The following RAD51 variants were observed in gnomAD, a reference collection of about 807,000 sequenced individuals.
The protein encoded by RAD51 is DNA repair protein RAD51 homolog 1.
A neutral mutation model predicts 41.5 loss-of-function variants in RAD51; 14 were observed. The ratio of observed to expected loss-of-function variants is 0.34; its 90% CI spans 0.22 to 0.53. The LOEUF is 0.53. Among genes scored for constraint, RAD51 ranks in the 20% least tolerant of loss-of-function variants. The probability of loss-of-function intolerance (pLI) is 0.95; values close to 1 mark genes in which losing one functional copy is unlikely to be tolerated. For missense variants in RAD51, 234 were observed against 422.0 expected (o/e 0.55, Z 3.90); for synonymous variants, 136 against 148.6 (o/e 0.92, Z 0.62).
intron 6 of RAD51, among the ~76,000 whole-genome samples, chr15:40,728,267 G>C (rs1033647660): frequency 4.6e-5 from 7 of 152,164 alleles, no homozygotes; most frequent in Admixed American, 2.0e-4. Context: ...GTCAAGACCA[G>C]CCTGATCAAT....
rs1896858703 is a variant in RAD51 at position 40,731,109 on chromosome 15, T to C, written c.951T>C (p.Ser317=). 1 of 1,614,072 alleles carries C rather than the reference T, an allele frequency of 6.2e-7. No individual in the cohort carries two copies. Among genetic ancestry groups the C allele is most frequent in the Non-Finnish European group, 8.5e-7 (1 of 1,179,966 alleles). The change falls in exon 10 of 10, where the codon TCT becomes TCC. Residue 317 remains serine (S), a synonymous_variant. Transcript: ENST00000267868. The part of the protein sequence containing the change: ...GETRICKIYD[S]PCLPEAEAMF... ...CCAGAATCTGCAAAATCTACGACTC[T>C]CCCTGTCTTCCTGAAGCTGAAGCTA...
At chr15:40,728,397 C>T (rs538419380) in intron 6 of RAD51, among the ~76,000 whole-genome samples, 7 of 151,672 alleles carry the variant, frequency 4.6e-5, no homozygotes, top group Admixed American at 4.6e-4. Flanking sequence ...GTGGAGGTTG[C>T]AATGAGATCA....
At chr15:40,710,685 C>T (rs969974214) in intron 5 of RAD51, among the ~76,000 whole-genome samples, 1 of 152,228 alleles carries the variant, frequency 6.6e-6, no homozygotes, top group African/African-American at 2.4e-5. Context: ...TTATGCTCCT[C>T]TTCAACTCTC....
intron 1 of RAD51, among the ~76,000 whole-genome samples, chr15:40,697,043 T>C (rs1305520930): frequency 6.6e-6 from 1 of 152,220 alleles, no homozygotes; most frequent in Non-Finnish European, 1.5e-5. Context: ...GTCACTCTCT[T>C]AGTGGTGTCC....
chr15:40,712,921 C>T lies in RAD51; in HGVS notation c.435+3805C>T, dbSNP rs549226493. Among the ~76,000 whole-genome samples the T allele has an allele frequency of 5.1e-5, 7 of 138,208 alleles. No individual in the cohort carries two copies. The East Asian group carries it at 1.5e-3, about 31-fold the overall frequency. 90.7% of individuals were successfully genotyped at this position (138,208 alleles called of 152,430 possible). ...TGAGAAAGAGTCTTGCTCTGTTGCC[C>T]AGGCTGTAGTGCAGTGGTGTGATCT... On this transcript the variant is annotated intron_variant, in intron 5 of 9. Coordinates refer to ENST00000267868, the MANE Select transcript of RAD51 (RefSeq NM_002875.5).
intron 2 of RAD51, among the ~76,000 whole-genome samples, chr15:40,699,785 A>T (rs1894869456): frequency 6.6e-6 from 1 of 152,208 alleles, no homozygotes; most frequent in Non-Finnish European, 1.5e-5. Context: ...ATTCTGCACA[A>T]GAACATTAAG....
intron 3 of RAD51, chr15:40,701,858 A>G (rs915100895): frequency 2.8e-6 from 1 of 356,816 alleles, no homozygotes; most frequent in South Asian, 1.9e-5. Flanking sequence ...ATCTTGGTCT[A>G]CTGCACCCTC....
chr15:40,721,569 C>T (rs180766112), intron 6 of RAD51, among the ~76,000 whole-genome samples: 39 of 152,180 alleles, frequency 2.6e-4, no homozygotes, highest in Non-Finnish European at 4.9e-4. Context: ...TCTCGAACTC[C>T]TGGCCTCAGG....
intron 9 of RAD51, among the ~76,000 whole-genome samples, chr15:40,730,511 A>ATTTTTTTTCTTTTTTTTTTT (rs1896815024): frequency 4.6e-5 from 4 of 86,088 alleles, no homozygotes; most frequent in Non-Finnish European, 1.0e-4. Context: ...TCTTGAAAAA[A>ATTTTTTTTCTTTTTTTTTTT]TTTTTTTTCT....
intron 7 of RAD51, 77 bp downstream of exon 7, chr15:40,728,901 T>C: frequency 8.2e-7 from 1 of 1,218,610 alleles, no homozygotes; most frequent in East Asian, 2.3e-5. Flanking sequence ...TTTGGCCAGA[T>C]TGATAGTAGT....
intron 6 of RAD51, among the ~76,000 whole-genome samples, chr15:40,720,992 G>T (rs986818689): frequency 6.6e-6 from 1 of 152,192 alleles, no homozygotes; most frequent in Non-Finnish European, 1.5e-5. Flanking sequence ...GACCAGTCTG[G>T]CCAGCATGGC....
chr15:40,729,108 C>G (rs529889864), intron 7 of RAD51, among the ~76,000 whole-genome samples: 26 of 152,224 alleles, frequency 1.7e-4, no homozygotes, highest in South Asian at 4.1e-4. Flanking sequence ...CGCGGTGGCT[C>G]AAGCCTGTAA....
At chr15:40,715,643 A>G (rs2141851080) in intron 5 of RAD51, among the ~76,000 whole-genome samples, 1 of 152,346 alleles carries the variant, frequency 6.6e-6, no homozygotes, top group South Asian at 2.1e-4. Flanking sequence ...AGAAAGGGCC[A>G]AATAAGCTGG....
At chr15:40,730,520 C>CTTTTTTTTTTTTTTCTTTTCT (rs1596028824) in intron 9 of RAD51, among the ~76,000 whole-genome samples, 5 of 113,108 alleles carry the variant, frequency 4.4e-5, no homozygotes, top group Admixed American at 9.2e-5. Flanking sequence ...AATTTTTTTT[C>CTTTTTTTTTTTTTTCTTTTCT]TTTTTTTTTT....
chr15:40,702,890 C>G (rs1302961091), intron 3 of RAD51, among the ~76,000 whole-genome samples: 1 of 151,028 alleles, frequency 6.6e-6, no homozygotes. Flanking sequence ...GTGGCATGAT[C>G]AAAGCTCACT....
rs745556948 is a variant in RAD51 at position 40,729,491 on chromosome 15, C to T, written c.645-14C>T. 6.2e-7 allele frequency: 1 copy of T among 1,610,728 alleles called. No homozygotes were observed. The highest frequency in any genetic ancestry group is 8.5e-7 in the Non-Finnish European group (1 of 1,178,076). Reference sequence around the variant, plus strand: ...GGCTAGAAATAGGCTTCAGAGAATCCTTGTTTCCTGTAGGTATGCACTGCT... The same window carrying T: ...GGCTAGAAATAGGCTTCAGAGAATCTTTGTTTCCTGTAGGTATGCACTGCT... On this transcript the variant is annotated splice_polypyrimidine_tract_variant and intron_variant, in intron 7 of 9. Transcript: ENST00000267868.
chr15:40,730,497 A>G (rs1376220133), intron 9 of RAD51, among the ~76,000 whole-genome samples: 12 of 116,982 alleles, frequency 1.0e-4, no homozygotes, highest in Non-Finnish European at 2.3e-4. Flanking sequence ...AGAGCAGGAC[A>G]CTGTCTTGAA....
intron 9 of RAD51, 88 bp downstream of exon 9, chr15:40,730,062 G>A (rs1896790323): frequency 6.5e-7 from 1 of 1,531,380 alleles, no homozygotes; most frequent in African/African-American, 1.4e-5. Context: ...TTTAAGCCCT[G>A]TTAAAGCTAC....
intron 3 of RAD51, among the ~76,000 whole-genome samples, chr15:40,705,594 GT>G (rs1308414183): frequency 6.6e-6 from 1 of 152,060 alleles, no homozygotes; most frequent in Non-Finnish European, 1.5e-5. Flanking sequence ...ATCTCTAATA[GT>G]TTTTTGTTTT....
Sources: allele counts gnomAD v4.1 joint callset (sites outside exome capture counted in the v4.1 genomes callset), GRCh38; gene constraint gnomAD v4.1.1; transcripts MANE v1.5; gene names NCBI Gene and HGNC (gene_info 2026-07-23, HGNC 2026-07-21).